Variants in RPS6KB1 observed in about 807,000 individuals in gnomAD.
RPS6KB1 encodes ribosomal protein S6 kinase B1.
A neutral mutation model predicts 70.2 loss-of-function variants in RPS6KB1; 12 were observed. The observed-to-expected ratio is 0.17, with a 90% confidence interval of 0.11 to 0.28. The LOEUF (loss-of-function observed/expected upper bound fraction) is 0.28. RPS6KB1 is among the 10% of genes least tolerant of loss of function. The probability of loss-of-function intolerance (pLI) is 1.00; values close to 1 mark genes in which losing one functional copy is unlikely to be tolerated. For synonymous variants in RPS6KB1, 175 were observed against 211.2 expected (o/e 0.83, Z 1.49); for missense variants, 270 against 646.6 (o/e 0.42, Z 6.32).
Position 59,946,502 on chromosome 17 carries a change from T to C in RPS6KB1, c.1341-49T>C, listed in dbSNP as rs749280866. 1 of 1,343,570 alleles carries C rather than the reference T, an allele frequency of 7.4e-7. No individual in the cohort carries two copies. The highest frequency in any genetic ancestry group is 1.1e-6 in the Non-Finnish European group (1 of 935,648). 83.2% of individuals were successfully genotyped at this position (1,343,570 alleles called of 1,614,324 possible). ...TTAAACGTAAAGGAAATATGTCTTGTTGAGATGACCCTTAAGCAAATGAAT... is the reference window on the plus strand; with the variant it reads ...TTAAACGTAAAGGAAATATGTCTTGCTGAGATGACCCTTAAGCAAATGAAT... On this transcript the variant is annotated intron_variant, in intron 14 of 14. Transcript: ENST00000225577. The surrounding 1 kb of genome is among the most constrained non-coding windows in gnomAD (Gnocchi z 4.2).
intron 13 of RPS6KB1, among the ~76,000 whole-genome samples, 179 bp downstream of exon 13, chr17:59,941,122 A>G (rs1469718430): frequency 6.6e-6 from 1 of 151,632 alleles, no homozygotes; most frequent in Non-Finnish European, 1.5e-5. Flanking sequence ...TATTTTCATA[A>G]TCCAACATTT....
At chr17:59,945,366 A>T in intron 13 of RPS6KB1, 40 bp from the exon 14 acceptor site, 1 of 1,118,054 alleles carries the variant, frequency 8.9e-7, no homozygotes, top group Non-Finnish European at 1.4e-6. Flanking sequence ...GAGATACATG[A>T]CAAAATGCCA....
At chr17:59,917,747 C>T (rs1033859352) in intron 4 of RPS6KB1, among the ~76,000 whole-genome samples, 3 of 150,368 alleles carry the variant, frequency 2.0e-5, no homozygotes, top group Admixed American at 2.0e-4. Context: ...TATTTTTATT[C>T]TTTTAATCTT....
chr17:59,908,355 G>A (rs565579520), intron 1 of RPS6KB1, among the ~76,000 whole-genome samples: 50 of 151,790 alleles, frequency 3.3e-4, no homozygotes, highest in African/African-American at 1.2e-3. Flanking sequence ...ACCACGCCTG[G>A]CTAATTTTTG....
At chr17:59,896,334 C>T (rs574956874) in intron 1 of RPS6KB1, among the ~76,000 whole-genome samples, 1 of 152,210 alleles carries the variant, frequency 6.6e-6, no homozygotes, top group South Asian at 2.1e-4. Flanking sequence ...GCTGGGATTA[C>T]AGGCACCCGC....
At chr17:59,936,809 A>G (rs1425467988) in intron 12 of RPS6KB1, among the ~76,000 whole-genome samples, 2 of 152,296 alleles carry the variant, frequency 1.3e-5, no homozygotes, top group East Asian at 3.9e-4. Flanking sequence ...AGACAGAAAC[A>G]TTATTTTTAT....
chr17:59,932,550 C>CT (rs11390348), intron 7 of RPS6KB1, among the ~76,000 whole-genome samples: 47,130 of 130,206 alleles, frequency 0.36, 9,967 homozygotes, highest in African/African-American at 0.55. Context: ...CATCAGGTTA[C>CT]TTTTTTTTTT....
At position 59,931,732 on chromosome 17, in the gene RPS6KB1, T is replaced by TA; in HGVS notation, c.688+11dup. On this transcript the variant is annotated intron_variant, in intron 7 of 14. Transcript: ENST00000225577. ...ATGCTTAATCACCAAGGTGGAGACATACCGTAAACAATTCTATAGTAAATA... is the reference window on the plus strand; with the variant it reads ...ATGCTTAATCACCAAGGTGGAGACATAACCGTAAACAATTCTATAGTAAATA... 6.4e-7 allele frequency: 1 copy of TA among 1,561,566 alleles called. No homozygotes were observed. Among genetic ancestry groups the TA allele is most frequent in the Non-Finnish European group, 8.8e-7 (1 of 1,133,034 alleles).
chr17:59,902,492 TTTTG>T (rs1382347390), intron 1 of RPS6KB1, among the ~76,000 whole-genome samples: 1 of 152,154 alleles, frequency 6.6e-6, no homozygotes, highest in Non-Finnish European at 1.5e-5. Flanking sequence ...CTACAGTGCA[TTTTG>T]TTTATCCATT....
At chr17:59,935,357 G>C in intron 10 of RPS6KB1, 57 bp downstream of exon 10, 1 of 922,102 alleles carries the variant, frequency 1.1e-6, no homozygotes, top group Non-Finnish European at 1.7e-6. Context: ...GATTTAACTA[G>C]ATAGAATTTA....
intron 1 of RPS6KB1, among the ~76,000 whole-genome samples, chr17:59,902,997 G>A (rs117546585): frequency 0.015 from 2,230 of 151,834 alleles, 24 homozygotes; most frequent in Non-Finnish European, 0.025. Flanking sequence ...CCTGGGCAAC[G>A]TGATGAAACC....
chr17:59,937,459 G>T (rs1243149923), intron 12 of RPS6KB1, among the ~76,000 whole-genome samples: 2 of 152,208 alleles, frequency 1.3e-5, no homozygotes, highest in Admixed American at 6.5e-5. Context: ...GAGACTAGAA[G>T]TTCTAGATCA....
intron 13 of RPS6KB1, among the ~76,000 whole-genome samples, chr17:59,941,493 T>A (rs866309665): frequency 1.3e-5 from 2 of 152,094 alleles, no homozygotes; most frequent in Non-Finnish European, 2.9e-5. Context: ...GCTAATTTTT[T>A]ATTTTTTTGT....
At chr17:59,913,630 T>C (rs2042775652) in intron 3 of RPS6KB1, 1 of 152,208 alleles carries the variant, frequency 6.6e-6, no homozygotes, top group Non-Finnish European at 1.5e-5. Flanking sequence ...GACGCTCAAG[T>C]GCCTTATATA....
intron 1 of RPS6KB1, among the ~76,000 whole-genome samples, chr17:59,898,665 C>T (rs1431764240): frequency 6.6e-6 from 1 of 151,520 alleles, no homozygotes; most frequent in Non-Finnish European, 1.5e-5. Flanking sequence ...CCATGTTGGC[C>T]AGGCTGGTCT....
At chr17:59,914,551 G>T (rs2042831017) in intron 3 of RPS6KB1, 84 bp from the exon 4 acceptor site, 1 of 935,948 alleles carries the variant, frequency 1.1e-6, no homozygotes, top group Admixed American at 1.9e-5. Context: ...AACTGCTGTG[G>T]CATATGTTTC....
In RPS6KB1 at chr17:59,947,477, G is replaced by A. The variant is rs923731723; in HGVS notation, c.*689G>A. 1.3e-5 allele frequency: 18 copies of A among 1,416,336 alleles called. No individual in the cohort carries two copies. Among genetic ancestry groups the A allele is most frequent in the South Asian group, 5.0e-5 (3 of 60,388 alleles). The allele number at this position is 1,416,336 out of a possible 1,614,324, so 87.7% of individuals were successfully genotyped here. ...TCATTGTTAACCACAGCTGTGGCTC[G>A]TTTGAGGGATTGGGGTGGACCTGGG... is the stretch of plus-strand genomic sequence containing the variant. On this transcript the variant is annotated 3_prime_UTR_variant, in exon 15 of 15. Transcript: ENST00000225577.
chr17:59,898,535 C>A (rs961243750), intron 1 of RPS6KB1, among the ~76,000 whole-genome samples: 1 of 151,854 alleles, frequency 6.6e-6, no homozygotes, highest in Non-Finnish European at 1.5e-5. Context: ...CTCACTGCAA[C>A]CTCTGCCTCC....
In RPS6KB1 at chr17:59,915,854, C is replaced by T. The variant is rs1229896512; in HGVS notation, c.381+1151C>T. 2.3e-5 allele frequency among the ~76,000 whole-genome samples: 3 copies of T among 130,404 alleles called. No homozygotes were observed. The South Asian group carries it at 7.2e-4, about 31-fold the overall frequency. The allele number at this position is 130,404 out of a possible 152,430, so 85.6% of individuals were successfully genotyped here. A position where few individuals can be genotyped will look rare whatever the true frequency, so the allele number is the denominator to read the frequency against. On this transcript the variant is annotated intron_variant, in intron 4 of 14. Coordinates refer to ENST00000225577, the MANE Select transcript of RPS6KB1 (RefSeq NM_003161.4). Reference sequence around the variant, plus strand: ...AGGCTGGAGTGCAGTGGAGTGATCTCGGCTCACCACAACCTCCGCCTCCCA... The same window carrying T: ...AGGCTGGAGTGCAGTGGAGTGATCTTGGCTCACCACAACCTCCGCCTCCCA...
Sources: gnomAD v4.1 joint callset for allele counts (sites outside exome capture counted in the v4.1 genomes callset) on GRCh38, gnomAD v4.1.1 for gene constraint, Gnocchi (gnomAD v3.1) non-coding constraint, MANE v1.5 for transcripts, NCBI Gene and HGNC (gene_info 2026-07-23, HGNC 2026-07-21) for gene names.